PCNX2: variants seen among roughly 807,000 people sequenced by gnomAD.
PCNX2 encodes the protein pecanex 2.
PCNX2 carries 168 observed loss-of-function variants against 223.8 expected under a neutral mutation model. The observed-to-expected ratio is 0.75, with a 90% CI of 0.66 to 0.85. The LOEUF is 0.85. PCNX2 is among the 40% of genes least tolerant of loss of function. The pLI is 0.00. For synonymous variants in PCNX2, 1,006 were observed against 1,052.6 expected (o/e 0.96, Z 0.86); for missense variants, 2,507 against 2,675.5 (o/e 0.94, Z 1.39).
upstream of PCNX2, among the ~76,000 whole-genome samples, chr1:233,300,464 T>C (rs963476178): frequency 1.3e-5 from 2 of 152,186 alleles, no homozygotes; most frequent in Non-Finnish European, 2.9e-5. Flanking sequence ...TAGGAGTTGC[T>C]TGCTAAGCAA....
intron 8 of PCNX2, among the ~76,000 whole-genome samples, chr1:233,246,570 T>C (rs939775954): frequency 6.6e-6 from 1 of 152,222 alleles, no homozygotes; most frequent in African/African-American, 2.4e-5. Flanking sequence ...TTTAGCTTAG[T>C]GTGTAAGTGT....
chr1:233,037,375 A>C (rs1671491397), intron 25 of PCNX2, among the ~76,000 whole-genome samples: 1 of 152,138 alleles, frequency 6.6e-6, no homozygotes, highest in Admixed American at 6.5e-5. Context: ...TCTGTCACCC[A>C]AGGTGGAGTG....
At chr1:233,190,772 C>G (rs1014226381) in intron 15 of PCNX2, among the ~76,000 whole-genome samples, 1 of 152,168 alleles carries the variant, frequency 6.6e-6, no homozygotes, top group Non-Finnish European at 1.5e-5. Context: ...AATCTATTTA[C>G]TCTGATCCAA....
At chr1:233,217,198 G>A (rs570351942) in intron 12 of PCNX2, among the ~76,000 whole-genome samples, 31 of 152,060 alleles carry the variant, frequency 2.0e-4, no homozygotes, top group African/African-American at 6.8e-4. Flanking sequence ...ACGGCTAAGA[G>A]AGTAGATTTT....
Position 233,154,315 on chromosome 1 carries a change from C to T in PCNX2, c.3517+5968G>A, listed in dbSNP as rs1484722849. 2.0e-5 allele frequency among the ~76,000 whole-genome samples: 3 copies of T among 152,282 alleles called. No homozygotes were observed. In the East Asian group the frequency reaches 5.8e-4, roughly 29 times the overall value. On this transcript the variant is annotated intron_variant, in intron 19 of 33. Coordinates refer to ENST00000258229, the MANE Select transcript of PCNX2 (RefSeq NM_014801.4). ...CAGGATGGTCTTGATCTCCTGACCT[C>T]ATGGTCCACCCACCTCAGCCTCCCA...
intron 23 of PCNX2, among the ~76,000 whole-genome samples, chr1:233,066,155 G>T (rs542844711): frequency 1.3e-5 from 2 of 152,152 alleles, no homozygotes; most frequent in Non-Finnish European, 2.9e-5. Context: ...ACTCTTCTCT[G>T]CCTTACTCAG....
intron 25 of PCNX2, among the ~76,000 whole-genome samples, chr1:233,036,150 C>A (rs942458355): frequency 6.6e-6 from 1 of 152,166 alleles, no homozygotes; most frequent in Non-Finnish European, 1.5e-5. Context: ...CTGCAGCTTC[C>A]ACGTCATGGC....
chr1:233,027,833 A>G (rs1399327143), intron 25 of PCNX2, among the ~76,000 whole-genome samples: 2 of 152,196 alleles, frequency 1.3e-5, no homozygotes, highest in South Asian at 2.1e-4. Flanking sequence ...GCTGGCTTAC[A>G]TCTCGATTTT....
intron 13 of PCNX2, among the ~76,000 whole-genome samples, chr1:233,203,242 A>G (rs918802406): frequency 1.3e-5 from 2 of 152,234 alleles, no homozygotes. Context: ...CTTTTGAAAT[A>G]TGGTACTAAG....
intron 23 of PCNX2, among the ~76,000 whole-genome samples, chr1:233,082,951 T>C (rs750363169): frequency 3.9e-5 from 6 of 152,146 alleles, no homozygotes; most frequent in African/African-American, 7.2e-5. Flanking sequence ...GGCTGGAATA[T>C]TGAGTTAAAA....
chr1:233,220,288 G>A (rs1657286968), intron 10 of PCNX2, among the ~76,000 whole-genome samples: 1 of 152,162 alleles, frequency 6.6e-6, no homozygotes, highest in South Asian at 2.1e-4. Flanking sequence ...CAACTCATTT[G>A]GGTAAACACC....
At chr1:233,107,818 T>TG (rs1364737698) in intron 21 of PCNX2, among the ~76,000 whole-genome samples, 1 of 152,222 alleles carries the variant, frequency 6.6e-6, no homozygotes, top group Non-Finnish European at 1.5e-5. Context: ...TGAAACCTAC[T>TG]GGGCTGCATT....
chr1:233,207,867 G>C (rs1332143744), intron 13 of PCNX2, among the ~76,000 whole-genome samples: 2 of 152,134 alleles, frequency 1.3e-5, no homozygotes, highest in Non-Finnish European at 2.9e-5. Context: ...GACTCCTCCT[G>C]GACTGAGAAC....
intron 25 of PCNX2, among the ~76,000 whole-genome samples, chr1:233,032,562 T>C (rs796564048): frequency 1.3e-5 from 2 of 150,260 alleles, no homozygotes; most frequent in African/African-American, 5.0e-5. Flanking sequence ...ATTTATCACA[T>C]TGAGCTGAAA....
intron 1 of PCNX2, among the ~76,000 whole-genome samples, chr1:233,264,888 G>A (rs902901291): frequency 1.3e-5 from 2 of 152,002 alleles, no homozygotes; most frequent in African/African-American, 4.8e-5. Context: ...ATTTGAAGAG[G>A]GTAAGAAGGA....
chr1:233,137,523 G>A (rs1676880002), intron 20 of PCNX2, among the ~76,000 whole-genome samples: 1 of 152,154 alleles, frequency 6.6e-6, no homozygotes, highest in Non-Finnish European at 1.5e-5. Context: ...TCTTTATTTA[G>A]AAGTTCGGTG....
chr1:233,112,404 C>A (rs1675165204), intron 21 of PCNX2, among the ~76,000 whole-genome samples: 1 of 152,226 alleles, frequency 6.6e-6, no homozygotes, highest in South Asian at 2.1e-4. Flanking sequence ...GCTGAATGAG[C>A]AAGGTTTTCA....
chr1:233,298,265 T>C (rs995980184), upstream of PCNX2, among the ~76,000 whole-genome samples: 3 of 151,872 alleles, frequency 2.0e-5, no homozygotes, highest in East Asian at 1.9e-4. Flanking sequence ...AGCAAATAAA[T>C]GGGGAAAGAA....
intron 25 of PCNX2, among the ~76,000 whole-genome samples, chr1:233,036,647 A>G (rs1420669746): frequency 6.6e-6 from 1 of 151,814 alleles, no homozygotes; most frequent in African/African-American, 2.4e-5. Context: ...AAAAAAAATT[A>G]TATTTCAAGG....
Sources: gnomAD v4.1 joint callset for allele counts (sites outside exome capture counted in the v4.1 genomes callset) on GRCh38, gnomAD v4.1.1 for gene constraint, MANE v1.5 for transcripts, NCBI Gene and HGNC (gene_info 2026-07-23, HGNC 2026-07-21) for gene names.